The following ADAMTS10 variants were observed in gnomAD, a reference collection of about 807,000 sequenced individuals.
ADAMTS10 encodes the protein ADAM metallopeptidase with thrombospondin type 1 motif 10.
Under a neutral mutation model 135.9 loss-of-function variants are expected in ADAMTS10, and 48 were observed. That is an observed-to-expected ratio of 0.35 (90% confidence interval 0.28 to 0.45). ADAMTS10 has a LOEUF of 0.45. ADAMTS10 is among the 20% of genes least tolerant of loss of function. The pLI is 1.00. For synonymous variants in ADAMTS10, 621 were observed against 647.5 expected (o/e 0.96, Z 0.62); for missense variants, 1,131 against 1,565.2 (o/e 0.72, Z 4.68).
chr19:8,580,793 C>T lies in ADAMTS10; in HGVS notation c.*100G>A. 1 of 900,542 alleles carries T rather than the reference C, an allele frequency of 1.1e-6. No homozygotes were observed. Among genetic ancestry groups the T allele is most frequent in the Non-Finnish European group, 1.7e-6 (1 of 577,028 alleles). The allele number at this position is 900,542 out of a possible 1,614,324, so 55.8% of individuals were successfully genotyped here. A position where few individuals can be genotyped will look rare whatever the true frequency, so the allele number is the denominator to read the frequency against. ...TAACTTCCGGCTCCGTCTCACCCTT[C>T]CCTCCCAGTTCCCGCCCCCCCGGGG... On this transcript the variant is annotated 3_prime_UTR_variant, in exon 26 of 26. Transcript: ENST00000597188.
At position 8,580,508 on chromosome 19, in the gene ADAMTS10, G is replaced by T. The variant is rs922785701; in HGVS notation, c.*385C>A. 6 of 202,618 alleles carry T rather than the reference G, an allele frequency of 3.0e-5. No individual in the cohort carries two copies. Among genetic ancestry groups the T allele is most frequent in the Non-Finnish European group, 4.1e-5 (4 of 96,664 alleles). 12.6% of individuals were successfully genotyped at this position (202,618 alleles called of 1,614,324 possible). A position where few individuals can be genotyped will look rare whatever the true frequency, so the allele number is the denominator to read the frequency against. The stretch of plus-strand genomic sequence containing the variant: ...TGGAGGGGTAGGGCAGTGCTGGGGG[G>T]CAGGGCACCGGCAGACCACCTCCCC... On this transcript the variant is annotated 3_prime_UTR_variant, in exon 26 of 26. Coordinates refer to ENST00000597188, the MANE Select transcript of ADAMTS10 (RefSeq NM_030957.4).
In ADAMTS10 at chr19:8,585,059, G is replaced by GAAGGGGC; in HGVS notation, c.3043-6_3043-5insGCCCCTT. On this transcript the variant is annotated splice_polypyrimidine_tract_variant and splice_region_variant and intron_variant, in intron 24 of 25. Transcript: ENST00000597188. ...GACGCCGCACTGTGCAGAGCACTGC[G>GAAGGGGC]AGGGGGCACCACTCAGTTGCTGCCC... 6.6e-7 allele frequency: 1 copy of GAAGGGGC among 1,516,736 alleles called. No individual in the cohort carries two copies. Among genetic ancestry groups the GAAGGGGC allele is most frequent in the South Asian group, 1.2e-5 (1 of 82,836 alleles). The allele number at this position is 1,516,736 out of a possible 1,614,324, so 94.0% of individuals were successfully genotyped here.
At chr19:8,600,814 A>G in intron 6 of ADAMTS10, 114 bp downstream of exon 6, 1 of 1,358,552 alleles carries the variant, frequency 7.4e-7, no homozygotes, top group Non-Finnish European at 1.0e-6. Flanking sequence ...CTTCCTTTCT[A>G]CCCCTGTCCC....
In ADAMTS10 at chr19:8,596,367, C is replaced by T; in HGVS notation, c.1130G>A (p.Ser377Asn). The T allele has an allele frequency of 1.9e-6, 3 of 1,613,282 alleles. No homozygotes were observed. The East Asian group carries it at 6.7e-5, about 36-fold the overall frequency. The change falls in exon 10 of 26, where the codon AGC becomes AAC. Residue 377 changes from serine to asparagine, a missense_variant. By Grantham distance (46) the Ser-to-Asn change is conservative. Around this residue, in one of 3 missense-constraint regions of ADAMTS10, gnomAD observed 745 missense variants for 1,056.3 expected, o/e 0.71. Coordinates refer to ENST00000597188, the MANE Select transcript of ADAMTS10 (RefSeq NM_030957.4). This position sits in a 1 kb window ranked among gnomAD's most constrained non-coding sequence, Gnocchi z 7.2. ...GGCCAGGCCAATGTCCTCATTGACG[C>T]TGCAGCTTCTCTCGCGCTCACACAT... ...GGMCERERSC[S>N]VNEDIGLATA...
rs782674867 is a variant in ADAMTS10, at chr19:8,605,354, C to G, written c.93G>C (p.Glu31Asp). The part of the protein sequence containing the change: ...EVTHAFRSQD[E>D]FLSSLESYEI... ...CATAGCTCTCCAGACTGGACAGGAA[C>G]TCATCTGTGGGTGAGGGTCAGAGGC... Residue 31 changes from glutamate (E) to aspartate (D), a missense_variant, in exon 4 of 26, where the codon GAG becomes GAC. Glu to Asp is a conservative substitution (Grantham distance 45, BLOSUM62 2). Around this residue, in one of 3 missense-constraint regions of ADAMTS10, gnomAD observed 306 missense variants for 344.4 expected, o/e 0.89. Transcript: ENST00000597188. This position sits in a 1 kb window ranked among gnomAD's most constrained non-coding sequence, Gnocchi z 7.7. 2 of 1,598,228 alleles carry G rather than the reference C, an allele frequency of 1.3e-6. No individual in the cohort carries two copies. Among genetic ancestry groups the G allele is most frequent in the East Asian group, 4.5e-5 (2 of 44,200 alleles).
chr19:8,605,235 G>A lies in ADAMTS10; in HGVS notation c.212C>T (p.Thr71Ile). 3 of 1,613,474 alleles carry A rather than the reference G, an allele frequency of 1.9e-6. No individual in the cohort carries two copies. The highest frequency in any genetic ancestry group is 1.1e-5 in the South Asian group (1 of 91,044). ...TTTGTAGAAGAGGCGGGACTCGGCT[G>A]TGGCCCCCGTGCCGCGGCGCTGCCT... ...PRRQRRGTGA[T>I]AESRLFYKVA... is the part of the protein sequence containing the mutation. Residue 71 changes from threonine to isoleucine, a missense_variant, in exon 4 of 26, where the codon ACA (threonine) becomes ATA (isoleucine). Physicochemically the swap from Thr to Ile is moderately conservative, Grantham distance 89 (BLOSUM62 -1). Coordinates refer to ENST00000597188, the MANE Select transcript of ADAMTS10 (RefSeq NM_030957.4). The surrounding 1 kb of genome is among the most constrained non-coding windows in gnomAD (Gnocchi z 7.7).
In ADAMTS10 at chr19:8,585,154, C is replaced by T; in HGVS notation, c.3020G>A (p.Trp1007Ter). The change falls in exon 24 of 26, where the codon TGG becomes TAG. Residue 1007 changes from tryptophan (W) to a stop codon, truncating the protein, a stop_gained. Transcript: ENST00000597188. LOFTEE classifies it high-confidence loss of function. ...CNLRRCPPAR[W>*]VAGEWGECSA... ...TACCTCACCCCACTCGCCAGCCACC[C>T]AGCGGGCCGGGGGGCAGCGGCGCAA... 1 of 1,410,418 alleles carries T rather than the reference C, an allele frequency of 7.1e-7. No homozygotes were observed. The highest frequency in any genetic ancestry group is 9.2e-7 in the Non-Finnish European group (1 of 1,087,812). 87.4% of individuals were successfully genotyped at this position (1,410,418 alleles called of 1,614,324 possible).
At chr19:8,593,031 G>C (rs2042562212) in intron 12 of ADAMTS10, 161 bp from the exon 13 acceptor site, 2 of 686,114 alleles carry the variant, frequency 2.9e-6, no homozygotes, top group Non-Finnish European at 5.2e-6. Context: ...GCATCCCCTT[G>C]CGGGGCATGG....
chr19:8,601,143 C>T lies in ADAMTS10; in HGVS notation c.595G>A (p.Glu199Lys). 6.2e-7 allele frequency: 1 copy of T among 1,613,220 alleles called. No homozygotes were observed. Among genetic ancestry groups the T allele is most frequent in the Non-Finnish European group, 8.5e-7 (1 of 1,180,032 alleles). The change falls in exon 6 of 26, where the codon GAG (glutamate) becomes AAG (lysine). Residue 199 changes from glutamate to lysine, a missense_variant and splice_region_variant. Glu to Lys is a moderately conservative substitution (Grantham distance 56). Transcript: ENST00000597188. The surrounding 1 kb of genome is among the most constrained non-coding windows in gnomAD (Gnocchi z 4.6). ...CATGGCCGCCCTTTCCACGGTTTCT[C>T]ATCTGGGGAACCCAGTAGAGCAATT... ...HLDTACGVRD[E>K]KPWKGRPWWL...
chr19:8,592,366 G>C (rs1188283940), intron 13 of ADAMTS10: 9 of 679,448 alleles, frequency 1.3e-5, no homozygotes, highest in East Asian at 5.6e-5. Context: ...GTGGAGACGA[G>C]GTGGGGCGTG....
rs1284107910 is a variant in ADAMTS10 at position 8,596,904 on chromosome 19, A to G, written c.1040+83T>C. On this transcript the variant is annotated intron_variant, in intron 8 of 25. Transcript: ENST00000597188. The surrounding 1 kb of genome is among the most constrained non-coding windows in gnomAD (Gnocchi z 7.2). ...TCTCTGCTCCTCCTGACCCTAGCAG[A>G]AGTGATCTCTGTTTGGACTCTCATG... 134 of 1,593,288 alleles carry G rather than the reference A, an allele frequency of 8.4e-5. No homozygotes were observed. The highest frequency in any genetic ancestry group is 1.1e-4 in the Non-Finnish European group (127 of 1,173,878).
At chr19:8,607,538 T>G (rs557601089) in intron 2 of ADAMTS10, among the ~76,000 whole-genome samples, 19 of 152,284 alleles carry the variant, frequency 1.2e-4, no homozygotes, top group South Asian at 4.1e-4. Context: ...CCTCCTCCTC[T>G]GTGCAAAATC....
chr19:8,605,201 C>A lies in ADAMTS10; in HGVS notation c.246G>T (p.Ser82=). 2.5e-6 allele frequency: 4 copies of A among 1,614,006 alleles called. No individual in the cohort carries two copies. The highest frequency in any genetic ancestry group is 3.4e-6 in the Non-Finnish European group (4 of 1,179,924). Residue 82 remains serine (S), a synonymous_variant, in exon 4 of 26, where the codon TCG becomes TCT. Coordinates refer to ENST00000597188, the MANE Select transcript of ADAMTS10 (RefSeq NM_030957.4). This position sits in a 1 kb window ranked among gnomAD's most constrained non-coding sequence, Gnocchi z 7.7. ...GGTTCAGCAGGAAGTGGGTGCTGGG[C>A]GAGGCCACTTTGTAGAAGAGGCGGG... ...AESRLFYKVA[S]PSTHFLLNLT...
chr19:8,595,840 C>T lies in ADAMTS10; in HGVS notation c.1401G>A (p.Val467=). ...PPRQDFVYPT[V]APGQAYDADE... is the part of the protein sequence containing the mutation. The stretch of plus-strand genomic sequence containing the variant: ...CTGCATCGTAGGCTTGGCCCGGTGC[C>T]ACTGTCGGGTACACAAAGTCCTGTC... Residue 467 remains valine (V), a synonymous_variant, in exon 12 of 26, where the codon GTG becomes GTA. Transcript: ENST00000597188. 6.2e-7 allele frequency: 1 copy of T among 1,614,206 alleles called. No individual in the cohort carries two copies. The highest frequency in any genetic ancestry group is 8.5e-7 in the Non-Finnish European group (1 of 1,180,042).
chr19:8,587,471 C>CTTTT (rs112605791), intron 18 of ADAMTS10, among the ~76,000 whole-genome samples: 2 of 135,890 alleles, frequency 1.5e-5, no homozygotes, highest in Non-Finnish European at 1.6e-5. Context: ...GCCTGGCCAG[C>CTTTT]TTTTTTTTTT....
Position 8,586,828 on chromosome 19 carries a change from G to A in ADAMTS10, c.2227C>T (p.Leu743Phe). 6.2e-7 allele frequency: 1 copy of A among 1,614,150 alleles called. No individual in the cohort carries two copies. The highest frequency in any genetic ancestry group is 8.5e-7 in the Non-Finnish European group (1 of 1,180,034). The change falls in exon 19 of 26, where the codon CTC (leucine) becomes TTC (phenylalanine). Residue 743 changes from leucine to phenylalanine, a missense_variant. Coordinates refer to ENST00000597188, the MANE Select transcript of ADAMTS10 (RefSeq NM_030957.4). ...ACCATCTGCTCACCCAAGTGACTGA[G>A]AGAGAGGTTCAGATCCTGGATGAAG... is the stretch of plus-strand genomic sequence containing the variant. ...HIFIQDLNLS[L>F]SHLALKGDQE...
rs534468269 is a variant in ADAMTS10, at chr19:8,580,706, T to A, written c.*187A>T. 5.1e-6 allele frequency: 3 copies of A among 592,406 alleles called. No homozygotes were observed. In the African/African-American group the frequency reaches 5.6e-5, roughly 11 times the overall value. 36.7% of individuals were successfully genotyped at this position (592,406 alleles called of 1,614,324 possible). ...AGGGGCGGATGCTGAAGAGGGGCTC[T>A]GGGGGGATAGCCAGCCCCTCTCCAT... is the stretch of plus-strand genomic sequence containing the variant. On this transcript the variant is annotated 3_prime_UTR_variant, in exon 26 of 26. Transcript: ENST00000597188.
Position 8,595,875 on chromosome 19 carries a change from G to A in ADAMTS10, c.1366C>T (p.Arg456Trp), listed in dbSNP as rs374908665. The change falls in exon 12 of 26, where the codon CGG becomes TGG. Residue 456 changes from arginine (R) to tryptophan (W), a missense_variant. Arg to Trp is a moderately radical substitution (Grantham distance 101). Coordinates refer to ENST00000597188, the MANE Select transcript of ADAMTS10 (RefSeq NM_030957.4). Reference sequence around the variant, plus strand: ...TACACAAAGTCCTGTCTGGGGGGCCGGTTGTTCAGGCAGAGCCCCAGGCCC... The same window carrying A: ...TACACAAAGTCCTGTCTGGGGGGCCAGTTGTTCAGGCAGAGCCCCAGGCCC... ...DSGLGLCLNNRPPRQDFVYPT... is the reference protein window; with the variant it reads ...DSGLGLCLNNWPPRQDFVYPT... The A allele has an allele frequency of 1.7e-5, 27 of 1,614,184 alleles. No homozygotes were observed. The highest frequency in any genetic ancestry group is 3.3e-5 in the South Asian group (3 of 91,080).
intron 25 of ADAMTS10, among the ~76,000 whole-genome samples, chr19:8,582,166 C>CT (rs1297610662): frequency 4.8e-4 from 73 of 152,128 alleles, no homozygotes; most frequent in African/African-American, 1.6e-3. Flanking sequence ...CACTCGTTTT[C>CT]TTTTTTAATA....
Sources: allele counts gnomAD v4.1 joint callset (sites outside exome capture counted in the v4.1 genomes callset), GRCh38; gene constraint gnomAD v4.1.1; regional missense constraint gnomAD v4.1.1; non-coding constraint Gnocchi (gnomAD v3.1); transcripts MANE v1.5; gene names NCBI Gene and HGNC (gene_info 2026-07-23, HGNC 2026-07-21).